The following DCAF6 variants were observed in gnomAD, a reference collection of about 807,000 sequenced individuals.
DCAF6 encodes DDB1 and CUL4 associated factor 6.
Under a neutral mutation model 125.1 loss-of-function variants are expected in DCAF6, and 54 were observed. The ratio of observed to expected loss-of-function variants is 0.43; its 90% confidence interval spans 0.35 to 0.54. The LOEUF is 0.54. Ranked by LOEUF, DCAF6 falls within the 20% of genes least tolerant of loss-of-function variation. DCAF6 has a pLI of 0.01. For missense variants in DCAF6, 934 were observed against 1,161.7 expected (o/e 0.80, Z 2.85); for synonymous variants, 371 against 390.4 (o/e 0.95, Z 0.58).
chr1:167,993,399 C>T lies in DCAF6; in HGVS notation c.862C>T (p.Arg288Ter), dbSNP rs1374127437. The change falls in exon 7 of 22, where the codon CGA (arginine) becomes TGA (stop). Residue 288 changes from arginine to a stop codon, truncating the protein, a stop_gained. Coordinates refer to ENST00000367840, the MANE Select transcript of DCAF6 (RefSeq NM_001198956.2). LOFTEE classifies it high-confidence loss of function. ...TTTTGACCCGAAAGATGATACAGCA[C>T]GAGAACTTAAAACTCCTTCTGCGGA... ...YLFDPKDDTA[R>*]ELKTPSAEER... 2 of 1,613,814 alleles carry T rather than the reference C, an allele frequency of 1.2e-6. No individual in the cohort carries two copies. The highest frequency in any genetic ancestry group is 2.7e-5 in the African/African-American group (2 of 74,976).
chr1:167,949,320 G>C (rs1396789715), intron 1 of DCAF6, among the ~76,000 whole-genome samples: 1 of 152,112 alleles, frequency 6.6e-6, no homozygotes. Flanking sequence ...TTTTGTTCTG[G>C]ACTATCTTCT....
chr1:167,909,170 TTG>T, the DCAF6 span, among the ~76,000 whole-genome samples: 1 of 152,246 alleles, frequency 6.6e-6, no homozygotes, highest in African/African-American at 2.4e-5. Context: ...ACTACATATT[TTG>T]TGTTTGTGAT....
upstream of DCAF6, among the ~76,000 whole-genome samples, chr1:167,934,447 T>C (rs554364250): frequency 5.9e-5 from 9 of 152,252 alleles, no homozygotes; most frequent in Non-Finnish European, 7.4e-5. Flanking sequence ...TCCAAAAAAA[T>C]TGAATGTTAA....
rs139435890 is a variant in DCAF6, at chr1:168,009,390, T to C, written c.1378+4597T>C. On this transcript the variant is annotated intron_variant, in intron 10 of 21. Transcript: ENST00000367840. ...TCCTTCCTTCCTTCCTTCCTTCCTT[T>C]CTTTCTTTCTTTCTCTCTCTCTCTT... Among the ~76,000 whole-genome samples the C allele has an allele frequency of 2.4e-3, 258 of 107,964 alleles. 1 individual carries two copies. Among genetic ancestry groups the C allele is most frequent in the African/African-American group, 6.9e-3 (171 of 24,938 alleles). The allele number at this position is 107,964 out of a possible 152,430, so 70.8% of individuals were successfully genotyped here.
chr1:168,021,237 A>T (rs1685635050), intron 11 of DCAF6, among the ~76,000 whole-genome samples: 1 of 152,138 alleles, frequency 6.6e-6, no homozygotes, highest in African/African-American at 2.4e-5. Flanking sequence ...TTTGAAGATA[A>T]GATTTCTTGG....
intron 7 of DCAF6, among the ~76,000 whole-genome samples, chr1:167,995,660 C>T (rs1681549591): frequency 7.3e-6 from 1 of 136,290 alleles, no homozygotes; most frequent in Non-Finnish European, 1.6e-5. Flanking sequence ...GCCTGGGTGA[C>T]AAGAGCAAAA....
rs555845018 is a variant in DCAF6, at chr1:168,065,586, T to G, written c.2440-4T>G. The G allele has an allele frequency of 1.1e-5, 17 of 1,569,210 alleles. No individual in the cohort carries two copies. In the East Asian group the frequency reaches 3.5e-4, roughly 33 times the overall value. On this transcript the variant is annotated splice_region_variant and splice_polypyrimidine_tract_variant and intron_variant, in intron 18 of 21. Coordinates refer to ENST00000367840, the MANE Select transcript of DCAF6 (RefSeq NM_001198956.2). ...ATTTTTAAATAATTTTTTTTAACCC[T>G]TAGATAAAAGAAGCCAATTTCTGGG... is the stretch of plus-strand genomic sequence containing the variant.
chr1:167,987,455 A>G (rs192469796), intron 4 of DCAF6, 40 bp from the exon 5 acceptor site: 123 of 963,576 alleles, frequency 1.3e-4, no homozygotes, highest in Non-Finnish European at 1.9e-4. Flanking sequence ...GTCTGTTTAA[A>G]TGTTCGTATG....
At chr1:167,996,189 T>TC (rs1557949764) in intron 7 of DCAF6, among the ~76,000 whole-genome samples, 2 of 152,136 alleles carry the variant, frequency 1.3e-5, no homozygotes, top group African/African-American at 4.8e-5. Context: ...TTCATTTTTT[T>TC]CCCCCTTCTT....
intron 3 of DCAF6, among the ~76,000 whole-genome samples, chr1:167,972,149 G>A (rs1211108700): frequency 6.6e-6 from 1 of 152,210 alleles, no homozygotes; most frequent in African/African-American, 2.4e-5. Flanking sequence ...GAGCCGCCAT[G>A]CCTGGCCCAG....
At chr1:168,024,913 T>G (rs921208887) in intron 12 of DCAF6, among the ~76,000 whole-genome samples, 1 of 152,150 alleles carries the variant, frequency 6.6e-6, no homozygotes, top group African/African-American at 2.4e-5. Flanking sequence ...GGTTTTCTGT[T>G]CTTGAGAAAG....
At chr1:167,870,350 C>T in the DCAF6 span, 2 of 1,613,570 alleles carry the variant, frequency 1.2e-6, no homozygotes, top group Non-Finnish European at 1.7e-6. Flanking sequence ...GACTTGGCTG[C>T]TGTTAGATAT....
chr1:167,877,723 G>C, the DCAF6 span, among the ~76,000 whole-genome samples: 3 of 152,198 alleles, frequency 2.0e-5, no homozygotes, highest in Non-Finnish European at 4.4e-5. Context: ...GAAGACAAAG[G>C]GGGAAAGAGC....
At chr1:167,922,657 T>C in the DCAF6 span, among the ~76,000 whole-genome samples, 1 of 152,104 alleles carries the variant, frequency 6.6e-6, no homozygotes, top group Non-Finnish European at 1.5e-5. Flanking sequence ...ACTTATATTC[T>C]AATCTTGTCA....
intron 1 of DCAF6, among the ~76,000 whole-genome samples, chr1:167,951,393 G>A (rs1307798989): frequency 6.6e-6 from 1 of 152,082 alleles, no homozygotes; most frequent in Non-Finnish European, 1.5e-5. Flanking sequence ...TGGCCCACAT[G>A]ATGAAATCCT....
intron 10 of DCAF6, among the ~76,000 whole-genome samples, chr1:168,009,864 T>C (rs780133597): frequency 1.5e-4 from 23 of 151,278 alleles, no homozygotes; most frequent in Non-Finnish European, 2.6e-4. Context: ...TATGATAAGC[T>C]CTCTTGAAGA....
At chr1:167,889,112 A>G in the DCAF6 span, among the ~76,000 whole-genome samples, 5 of 152,058 alleles carry the variant, frequency 3.3e-5, no homozygotes, top group Admixed American at 2.6e-4. Flanking sequence ...TTCCAGTATT[A>G]TGTTGAAAAA....
Position 167,984,867 on chromosome 1 carries a change from G to A in DCAF6, c.439-2628G>A, listed in dbSNP as rs147951786. Reference sequence around the variant, plus strand: ...AGTTCATTTTCATGCTGCTAATAAAGGTATACCCGAGACTGGGCAGTTTAC... The same window carrying A: ...AGTTCATTTTCATGCTGCTAATAAAAGTATACCCGAGACTGGGCAGTTTAC... On this transcript the variant is annotated intron_variant, in intron 4 of 21. Transcript: ENST00000367840. Among the ~76,000 whole-genome samples, 21 of 152,194 alleles carry A rather than the reference G, an allele frequency of 1.4e-4. No individual in the cohort carries two copies. In the East Asian group the frequency reaches 3.9e-3, roughly 28 times the overall value.
chr1:168,008,907 C>CCCTT (rs1445440857), intron 10 of DCAF6, among the ~76,000 whole-genome samples: 5 of 137,242 alleles, frequency 3.6e-5, no homozygotes, highest in African/African-American at 1.3e-4. Context: ...CTCCCTCCCT[C>CCCTT]CCTTCCTCCC....
Sources: gnomAD v4.1 joint callset for allele counts (sites outside exome capture counted in the v4.1 genomes callset) on GRCh38, gnomAD v4.1.1 for gene constraint, MANE v1.5 for transcripts, NCBI Gene and HGNC (gene_info 2026-07-23, HGNC 2026-07-21) for gene names.